RAB23: variants seen among roughly 807,000 people sequenced by gnomAD.
RAB23 encodes ras-related protein Rab-23.
A neutral mutation model predicts 30.0 loss-of-function variants in RAB23; 15 were observed. The ratio of observed to expected loss-of-function variants is 0.50; its 90% confidence interval spans 0.33 to 0.77. The LOEUF (loss-of-function observed/expected upper bound fraction) is 0.77, where lower values mean the gene tolerates loss of function less well. Ranked by LOEUF, RAB23 falls within the 30% of genes least tolerant of loss-of-function variation. The pLI is 0.02. For missense variants in RAB23, 243 were observed against 275.4 expected (o/e 0.88, Z 0.83); for synonymous variants, 93 against 94.0 (o/e 0.99, Z 0.06).
At chr6:57,192,732 A>G (rs1021413020) in intron 6 of RAB23, among the ~76,000 whole-genome samples, 1 of 152,200 alleles carries the variant, frequency 6.6e-6, no homozygotes, top group Admixed American at 6.5e-5. Context: ...TTTAAAAAAG[A>G]AAGAAAAAGA....
chr6:57,192,488 A>G (rs1400201008), intron 6 of RAB23, among the ~76,000 whole-genome samples: 1 of 152,260 alleles, frequency 6.6e-6, no homozygotes, highest in East Asian at 1.9e-4. Flanking sequence ...ATCTTACAGA[A>G]GTTTCAAAGG....
chr6:57,213,178 A>G (rs1441874252), intron 1 of RAB23, among the ~76,000 whole-genome samples: 3 of 152,182 alleles, frequency 2.0e-5, no homozygotes, highest in Admixed American at 6.5e-5. Flanking sequence ...TTGGGCTCCT[A>G]TGAGAATCTA....
At chr6:57,209,293 A>C (rs186381785) in intron 2 of RAB23, among the ~76,000 whole-genome samples, 1 of 152,320 alleles carries the variant, frequency 6.6e-6, no homozygotes. Flanking sequence ...TTCTGGGGTT[A>C]CAAATAAATA....
chr6:57,203,828 A>G (rs1765356177), intron 3 of RAB23, among the ~76,000 whole-genome samples: 1 of 152,226 alleles, frequency 6.6e-6, no homozygotes. Context: ...CTCAGGATCC[A>G]AACTGGTAGC....
intron 3 of RAB23, among the ~76,000 whole-genome samples, chr6:57,204,017 T>C (rs914885325): frequency 2.6e-5 from 4 of 152,198 alleles, no homozygotes; most frequent in Non-Finnish European, 1.5e-5. Context: ...AGTACAATCA[T>C]GAAACCTTAG....
At chr6:57,208,876 G>A (rs905971804) in intron 2 of RAB23, among the ~76,000 whole-genome samples, 1 of 152,000 alleles carries the variant, frequency 6.6e-6, no homozygotes, top group Admixed American at 6.6e-5. Flanking sequence ...TGTTTTATGT[G>A]TTTCTGTTTA....
At chr6:57,204,006 T>C (rs543881874) in intron 3 of RAB23, among the ~76,000 whole-genome samples, 1 of 152,316 alleles carries the variant, frequency 6.6e-6, no homozygotes, top group South Asian at 2.1e-4. Flanking sequence ...ATTTGTATGT[T>C]AGTACAATCA....
rs142602241 is a variant in RAB23, at chr6:57,194,699, AAAC to A, written c.481+68_481+70del. 3,053 of 1,149,094 alleles carry A rather than the reference AAAC, an allele frequency of 2.7e-3. 45 individuals are homozygous for A. In the African/African-American group the frequency reaches 0.041, roughly 15 times the overall value. 71.2% of individuals were successfully genotyped at this position (1,149,094 alleles called of 1,614,324 possible). A position where few individuals can be genotyped will look rare whatever the true frequency, so the allele number is the denominator to read the frequency against. On this transcript the variant is annotated intron_variant, in intron 5 of 6. Transcript: ENST00000468148. ...TGTTCTCGTTATAAATATAATTTCT[AAAC>A]AACACAATTTTAAAAGCGCAAGAAT...
intron 1 of RAB23, among the ~76,000 whole-genome samples, chr6:57,212,403 ATCC>A (rs2128005256): frequency 6.6e-6 from 1 of 152,272 alleles, no homozygotes; most frequent in African/African-American, 2.4e-5. Flanking sequence ...CAGCCTCTTT[ATCC>A]TTCTCAGGCA....
At chr6:57,201,405 C>A (rs1765247993) in intron 3 of RAB23, among the ~76,000 whole-genome samples, 1 of 151,888 alleles carries the variant, frequency 6.6e-6, no homozygotes. Context: ...GAGAGGTGAC[C>A]TCCATATACC....
In RAB23 at chr6:57,207,693, C is replaced by A. The variant is rs201141007; in HGVS notation, c.176G>T (p.Arg59Ile). The A allele has an allele frequency of 6.2e-7, 1 of 1,600,842 alleles. No individual in the cohort carries two copies. The highest frequency in any genetic ancestry group is 1.1e-5 in the South Asian group (1 of 90,590). Residue 59 changes from arginine (R) to isoleucine (I), a missense_variant, in exon 3 of 7, where the codon AGA becomes ATA. Physicochemically the swap from Arg to Ile is moderately conservative, Grantham distance 97. Coordinates refer to ENST00000468148, the MANE Select transcript of RAB23 (RefSeq NM_016277.5). ...RQIQVNDEDV[R>I]LMLWDTAGQE... is the part of the protein sequence containing the mutation. ...ACCTGCAGTGTCCCATAACATTAGTCTGACATCTTCATCATTAACTCTAAA... is the reference window on the plus strand; with the variant it reads ...ACCTGCAGTGTCCCATAACATTAGTATGACATCTTCATCATTAACTCTAAA...
chr6:57,212,732 A>C (rs991003928), intron 1 of RAB23, among the ~76,000 whole-genome samples: 1 of 151,804 alleles, frequency 6.6e-6, no homozygotes. Context: ...AAAAAAAAAA[A>C]AAAAATTGGC....
intron 4 of RAB23, among the ~76,000 whole-genome samples, chr6:57,195,689 A>G (rs1764995907): frequency 6.6e-6 from 1 of 152,222 alleles, no homozygotes. Context: ...CTTCCTGCCA[A>G]GTGAATAAGC....
chr6:57,213,158 T>C (rs1314438858), intron 1 of RAB23, among the ~76,000 whole-genome samples: 1 of 152,170 alleles, frequency 6.6e-6, no homozygotes, highest in Non-Finnish European at 1.5e-5. Context: ...TGTGCAGTTC[T>C]CAATAGAGTT....
chr6:57,202,646 T>C (rs1034065807), intron 3 of RAB23, among the ~76,000 whole-genome samples: 1 of 152,172 alleles, frequency 6.6e-6, no homozygotes, highest in African/African-American at 2.4e-5. Context: ...AGTAAGGTTA[T>C]AGGCTGAACA....
rs1764717633 is a variant in RAB23 at position 57,188,826 on chromosome 6, G to A, written c.*1635C>T. 6.6e-6 allele frequency: 1 copy of A among 152,158 alleles called. No homozygotes were observed. Among genetic ancestry groups the A allele is most frequent in the African/African-American group, 2.4e-5 (1 of 41,538 alleles). The allele number at this position is 152,158 out of a possible 1,614,324, so 9.4% of individuals were successfully genotyped here. ...TTATTTTTCCATCTAAAATGGCAAA[G>A]AGAACATTTACTTTTGATCACTTAA... On this transcript the variant is annotated 3_prime_UTR_variant, in exon 7 of 7. Transcript: ENST00000468148.
At chr6:57,195,734 C>A (rs1176886264) in intron 4 of RAB23, among the ~76,000 whole-genome samples, 1 of 152,202 alleles carries the variant, frequency 6.6e-6, no homozygotes, top group East Asian at 1.9e-4. Context: ...ACCAGTGTAG[C>A]CTTTCCGTGA....
At chr6:57,190,644 G>A in intron 6 of RAB23, 44 bp from the exon 7 acceptor site, 1 of 1,602,264 alleles carries the variant, frequency 6.2e-7, no homozygotes. Flanking sequence ...TGACACGCCT[G>A]AGTTACCTGT....
At chr6:57,200,467 G>A (rs1187547938) in intron 3 of RAB23, among the ~76,000 whole-genome samples, 3 of 148,730 alleles carry the variant, frequency 2.0e-5, no homozygotes, top group East Asian at 2.0e-4. Flanking sequence ...AACCCTGGAG[G>A]AGGAGGTTGC....
Sources: gnomAD v4.1 joint callset for allele counts (sites outside exome capture counted in the v4.1 genomes callset) on GRCh38, gnomAD v4.1.1 for gene constraint, MANE v1.5 for transcripts, NCBI Gene and HGNC (gene_info 2026-07-23, HGNC 2026-07-21) for gene names.